Variants in RBFOX1 observed in about 807,000 individuals in gnomAD.
RBFOX1 encodes the protein RNA binding fox-1 homolog 1, also known as RNA binding protein fox-1 homolog 1.
In RBFOX1, 8 loss-of-function variants were observed where a neutral mutation model predicts 57.7. The ratio of observed to expected loss-of-function variants is 0.14; its 90% confidence interval spans 0.08 to 0.25. The LOEUF (loss-of-function observed/expected upper bound fraction) is 0.25, where lower values mean the gene tolerates loss of function less well. RBFOX1 is among the 10% of genes least tolerant of loss of function. The pLI, the probability that RBFOX1 is intolerant of heterozygous loss-of-function variation, is 1.00. For missense variants in RBFOX1, 611 were observed against 548.5 expected, an observed-to-expected ratio of 1.11 and a Z score of -1.14; for synonymous variants, 326 against 222.4, an observed-to-expected ratio of 1.47 and a Z score of -4.15.
At chr16:5,460,889 C>T (rs1034420377) in intron 1 of RBFOX1, among the ~76,000 whole-genome samples, 8 of 152,044 alleles carry the variant, frequency 5.3e-5, no homozygotes, top group Non-Finnish European at 1.0e-4. Flanking sequence ...TTTGGCATCG[C>T]GTAGTAGCGA....
At chr16:5,775,763 G>A (rs772876911) in intron 3 of RBFOX1, among the ~76,000 whole-genome samples, 82 of 152,338 alleles carry the variant, frequency 5.4e-4, no homozygotes, top group Non-Finnish European at 9.3e-4. Context: ...GTCCACTAAC[G>A]TAGGGGTTTT....
At chr16:6,115,129 A>T (rs2096484958) in intron 1 of RBFOX1, among the ~76,000 whole-genome samples, 1 of 152,148 alleles carries the variant, frequency 6.6e-6, no homozygotes, top group African/African-American at 2.4e-5. Flanking sequence ...ACGAGCCGTG[A>T]GGGTATCTGG....
chr16:6,193,989 C>G (rs186701231), intron 1 of RBFOX1, among the ~76,000 whole-genome samples: 2 of 152,340 alleles, frequency 1.3e-5, no homozygotes, highest in Non-Finnish European at 2.9e-5. Flanking sequence ...TGACCTAATT[C>G]ACACAACATG....
chr16:7,234,379 C>A (rs1349660714), intron 4 of RBFOX1, among the ~76,000 whole-genome samples: 1 of 152,032 alleles, frequency 6.6e-6, no homozygotes, highest in Non-Finnish European at 1.5e-5. Context: ...ACCCCTTTGC[C>A]AGCAAAACCA....
intron 4 of RBFOX1, among the ~76,000 whole-genome samples, chr16:7,449,775 A>G (rs1482558858): frequency 7.1e-6 from 1 of 141,054 alleles, no homozygotes; most frequent in Non-Finnish European, 1.5e-5. Flanking sequence ...TGTTTTTTTC[A>G]CCCATCCTGC....
intron 2 of RBFOX1, among the ~76,000 whole-genome samples, chr16:6,348,104 G>A (rs1247368693): frequency 6.6e-6 from 1 of 152,098 alleles, no homozygotes; most frequent in African/African-American, 2.4e-5. Context: ...CTCTGAGGGA[G>A]GTTATAGCTT....
At chr16:7,481,866 C>T (rs780993900) in intron 4 of RBFOX1, among the ~76,000 whole-genome samples, 8 of 152,186 alleles carry the variant, frequency 5.3e-5, no homozygotes, top group Admixed American at 1.3e-4. Flanking sequence ...GTTTGGCAAA[C>T]CATCTAACAC....
At chr16:5,492,032 A>C (rs1354959596) in intron 2 of RBFOX1, among the ~76,000 whole-genome samples, 3 of 152,160 alleles carry the variant, frequency 2.0e-5, no homozygotes, top group Non-Finnish European at 4.4e-5. Flanking sequence ...CCAGACCAGC[A>C]GTATCAGCGT....
chr16:5,312,894 T>C (rs1420405029), intron 1 of RBFOX1, among the ~76,000 whole-genome samples: 1 of 152,228 alleles, frequency 6.6e-6, no homozygotes, highest in Non-Finnish European at 1.5e-5. Flanking sequence ...AGGATCTGAT[T>C]TGCAGTCTTG....
intron 1 of RBFOX1, among the ~76,000 whole-genome samples, chr16:6,088,171 T>G (rs1567426019): frequency 6.6e-6 from 1 of 152,188 alleles, no homozygotes; most frequent in Non-Finnish European, 1.5e-5. Context: ...ACCAGAAAAC[T>G]TACCCTCTTA....
At chr16:7,652,410 ATTC>A (rs548918517) in intron 11 of RBFOX1, among the ~76,000 whole-genome samples, 9 of 152,080 alleles carry the variant, frequency 5.9e-5, no homozygotes, top group Non-Finnish European at 8.8e-5. Context: ...CCCCGCCCAC[ATTC>A]TTCTTCTTAT....
At chr16:7,668,400 G>A (rs897288957) in intron 13 of RBFOX1, among the ~76,000 whole-genome samples, 3 of 152,218 alleles carry the variant, frequency 2.0e-5, no homozygotes, top group African/African-American at 7.2e-5. Context: ...AATTGCCAAA[G>A]GGAGTAGACT....
intron 2 of RBFOX1, among the ~76,000 whole-genome samples, chr16:6,467,782 C>G (rs555000868): frequency 6.6e-6 from 1 of 152,260 alleles, no homozygotes; most frequent in South Asian, 2.1e-4. Flanking sequence ...GCTAGCGGTA[C>G]TTAAGTGGGA....
intron 11 of RBFOX1, among the ~76,000 whole-genome samples, chr16:7,643,430 G>A (rs1005061492): frequency 2.6e-5 from 4 of 152,128 alleles, no homozygotes; most frequent in African/African-American, 7.2e-5. Context: ...ATAGAAAAAC[G>A]TGCAATAGCC....
At chr16:7,197,755 T>C (rs753688939) in intron 4 of RBFOX1, among the ~76,000 whole-genome samples, 8 of 151,980 alleles carry the variant, frequency 5.3e-5, no homozygotes, top group Non-Finnish European at 1.2e-4. Flanking sequence ...TAAAAATAAG[T>C]GGAGTACTGA....
chr16:6,402,629 T>G (rs562077380), intron 2 of RBFOX1, among the ~76,000 whole-genome samples: 1 of 152,308 alleles, frequency 6.6e-6, no homozygotes, highest in Non-Finnish European at 1.5e-5. Context: ...CTCCTTCCAC[T>G]ACTGTCCACA....
intron 1 of RBFOX1, among the ~76,000 whole-genome samples, chr16:5,259,511 G>T (rs1309117570): frequency 3.9e-5 from 6 of 152,180 alleles, no homozygotes; most frequent in African/African-American, 1.4e-4. Flanking sequence ...CCCCTGGATT[G>T]TAAACTCCTT....
intron 4 of RBFOX1, among the ~76,000 whole-genome samples, chr16:7,132,042 A>G (rs569783884): frequency 7.0e-6 from 1 of 142,734 alleles, no homozygotes; most frequent in African/African-American, 2.6e-5. Context: ...CCCAGACTAG[A>G]GCGAAGTGGC....
chr16:5,378,029 C>T (rs975926083), intron 1 of RBFOX1, among the ~76,000 whole-genome samples: 11 of 151,056 alleles, frequency 7.3e-5, no homozygotes, highest in African/African-American at 2.0e-4. Flanking sequence ...TTTTTTCTTT[C>T]TGTAGTCATT....
Sources: gnomAD v4.1 joint callset for allele counts (sites outside exome capture counted in the v4.1 genomes callset) on GRCh38, gnomAD v4.1.1 for gene constraint, MANE v1.5 for transcripts, NCBI Gene and HGNC (gene_info 2026-07-23, HGNC 2026-07-21) for gene names.